ATP8A2: variants seen among roughly 807,000 people sequenced by gnomAD.
ATP8A2 encodes the protein phospholipid-transporting ATPase IB.
A neutral mutation model predicts 165.6 loss-of-function variants in ATP8A2; 100 were observed. The observed-to-expected ratio is 0.60, with a 90% CI of 0.51 to 0.71. The LOEUF (loss-of-function observed/expected upper bound fraction) is 0.71. ATP8A2 is among the 30% of genes least tolerant of loss of function. The probability of loss-of-function intolerance (pLI) is 0.00; values close to 1 mark genes in which losing one functional copy is unlikely to be tolerated. For missense variants in ATP8A2, 1,227 were observed against 1,479.5 expected, an observed-to-expected ratio of 0.83 and a Z score of 2.80; for synonymous variants, 543 against 548.8, an observed-to-expected ratio of 0.99 and a Z score of 0.15.
At chr13:25,746,374 C>G (rs217858) in intron 25 of ATP8A2, among the ~76,000 whole-genome samples, 1,967 of 152,266 alleles carry the variant, frequency 0.013, 46 homozygotes, top group African/African-American at 0.045. Flanking sequence ...GGATATTTAA[C>G]TTGGGAAATG....
chr13:25,919,752 C>G (rs558379148), intron 33 of ATP8A2, among the ~76,000 whole-genome samples: 2 of 152,186 alleles, frequency 1.3e-5, no homozygotes, highest in East Asian at 1.9e-4. Context: ...ATAGACCTCT[C>G]TGTACTTTTG....
At chr13:25,410,582 T>G (rs1205830391) in intron 1 of ATP8A2, among the ~76,000 whole-genome samples, 2 of 152,240 alleles carry the variant, frequency 1.3e-5, no homozygotes, top group East Asian at 3.9e-4. Context: ...ATCAACACAG[T>G]TTTTCAGTAC....
rs199713813 is a variant in ATP8A2, at chr13:25,819,656, G to GT, written c.2680-8451dup. On this transcript the variant is annotated intron_variant, in intron 27 of 36. Coordinates refer to ENST00000381655, the MANE Select transcript of ATP8A2 (RefSeq NM_016529.6). The stretch of plus-strand genomic sequence containing the variant: ...CTACTAAAGAACTTCAGGGTTTTTT[G>GT]TTTTTTTTTTTGTCTGTGCTTTCTA... Among the ~76,000 whole-genome samples the GT allele has an allele frequency of 2.2e-3, 315 of 143,582 alleles. 1 individual carries two copies. The highest frequency in any genetic ancestry group is 9.7e-3 in the South Asian group (44 of 4,538). 94.2% of individuals were successfully genotyped at this position (143,582 alleles called of 152,430 possible).
At chr13:25,869,728 C>T (rs1301121051) in intron 33 of ATP8A2, among the ~76,000 whole-genome samples, 2 of 152,146 alleles carry the variant, frequency 1.3e-5, no homozygotes, top group Admixed American at 6.5e-5. Flanking sequence ...GGGAGTGGCT[C>T]GCTTCTTCAG....
At chr13:25,407,178 C>G (rs935636086) in intron 1 of ATP8A2, among the ~76,000 whole-genome samples, 2 of 152,154 alleles carry the variant, frequency 1.3e-5, no homozygotes, top group Non-Finnish European at 2.9e-5. Context: ...TCTAATCAAA[C>G]TAGGAAAACT....
At chr13:25,768,340 C>T (rs2044540261) in intron 25 of ATP8A2, among the ~76,000 whole-genome samples, 1 of 152,216 alleles carries the variant, frequency 6.6e-6, no homozygotes. Context: ...AAAGCTTGGC[C>T]GCCATCTTGG....
intron 33 of ATP8A2, among the ~76,000 whole-genome samples, chr13:25,949,706 C>T (rs1378777926): frequency 6.6e-6 from 1 of 152,212 alleles, no homozygotes; most frequent in African/African-American, 2.4e-5. Flanking sequence ...TCCAGCTGGA[C>T]AATTGCCCCT....
At chr13:25,589,812 A>G (rs938073993) in intron 24 of ATP8A2, 113 bp downstream of exon 24, 45 of 645,736 alleles carry the variant, frequency 7.0e-5, no homozygotes, top group Admixed American at 2.5e-4. Context: ...TTATGAAAAA[A>G]CTGTGTTTAT....
At chr13:25,442,333 T>C (rs2034953094) in intron 1 of ATP8A2, among the ~76,000 whole-genome samples, 1 of 152,246 alleles carries the variant, frequency 6.6e-6, no homozygotes, top group South Asian at 2.1e-4. Flanking sequence ...CTGTTTTCCA[T>C]AGCAGCTGCA....
At chr13:25,451,309 T>C (rs555777157) in intron 1 of ATP8A2, among the ~76,000 whole-genome samples, 4 of 152,312 alleles carry the variant, frequency 2.6e-5, no homozygotes, top group South Asian at 2.1e-4. Flanking sequence ...AGGTTTTTGT[T>C]TGAGTTCCCC....
chr13:25,816,799 G>T (rs568173166), intron 27 of ATP8A2, among the ~76,000 whole-genome samples: 1 of 152,260 alleles, frequency 6.6e-6, no homozygotes, highest in South Asian at 2.1e-4. Flanking sequence ...CAGAAAATGA[G>T]ACACAAAGCA....
intron 33 of ATP8A2, among the ~76,000 whole-genome samples, chr13:25,923,679 A>C (rs1954522965): frequency 6.6e-6 from 1 of 151,762 alleles, no homozygotes; most frequent in South Asian, 2.1e-4. Context: ...TGTCCCCTAG[A>C]AGACATCAAA....
chr13:25,838,270 C>T (rs764107062), intron 29 of ATP8A2, among the ~76,000 whole-genome samples: 3 of 152,152 alleles, frequency 2.0e-5, no homozygotes, highest in Non-Finnish European at 2.9e-5. Flanking sequence ...ATGTTCCTGA[C>T]GTCCCTTACA....
chr13:25,951,517 T>A (rs561550651), intron 33 of ATP8A2, among the ~76,000 whole-genome samples: 1 of 152,316 alleles, frequency 6.6e-6, no homozygotes, highest in East Asian at 1.9e-4. Context: ...ACGGGAGGGC[T>A]TTCTGGGATA....
chr13:25,708,665 G>A (rs9319236), intron 25 of ATP8A2, among the ~76,000 whole-genome samples: 22,798 of 152,064 alleles, frequency 0.15, 1,823 homozygotes, highest in South Asian at 0.19. Flanking sequence ...CAAGATTACA[G>A]TCAGCAAGGT....
At chr13:25,444,094 A>G (rs2035005424) in intron 1 of ATP8A2, among the ~76,000 whole-genome samples, 1 of 152,200 alleles carries the variant, frequency 6.6e-6, no homozygotes, top group Admixed American at 6.5e-5. Flanking sequence ...TCCTTCCCAG[A>G]CAATCCCCTT....
chr13:25,576,453 A>G (rs190860132), intron 19 of ATP8A2, among the ~76,000 whole-genome samples: 2 of 152,048 alleles, frequency 1.3e-5, no homozygotes, highest in Non-Finnish European at 2.9e-5. Context: ...GAGGCTGCAC[A>G]GGTGGACGGA....
intron 24 of ATP8A2, among the ~76,000 whole-genome samples, chr13:25,633,455 G>A (rs1322146472): frequency 1.3e-5 from 2 of 152,176 alleles, no homozygotes; most frequent in Non-Finnish European, 2.9e-5. Context: ...GCAAGAGAGT[G>A]CATGGGAATA....
At chr13:25,942,143 A>G (rs113154410) in intron 33 of ATP8A2, among the ~76,000 whole-genome samples, 4,206 of 152,322 alleles carry the variant, frequency 0.028, 94 homozygotes, top group Non-Finnish European at 0.041. Flanking sequence ...ATTGTAGCAC[A>G]TTCCTTTTAA....
Sources: gnomAD v4.1 joint callset for allele counts (sites outside exome capture counted in the v4.1 genomes callset) on GRCh38, gnomAD v4.1.1 for gene constraint, MANE v1.5 for transcripts, NCBI Gene and HGNC (gene_info 2026-07-23, HGNC 2026-07-21) for gene names.